Variants in DISP1 observed in about 807,000 individuals in gnomAD.
DISP1 encodes protein dispatched homolog 1.
Under a neutral mutation model 37.3 loss-of-function variants are expected in DISP1, and 30 were observed. That is an observed-to-expected ratio of 0.80 (90% CI 0.60 to 1.09). DISP1 has a LOEUF of 1.09. Ranked by LOEUF, DISP1 falls within the 50% of genes least tolerant of loss-of-function variation. The pLI, the probability that DISP1 is intolerant of heterozygous loss-of-function variation, is 0.00. For missense variants in DISP1, 1,598 were observed against 1,879.5 expected (o/e 0.85, Z 2.77); for synonymous variants, 634 against 690.2 (o/e 0.92, Z 1.28).
chr1:222,951,670 CAG>C (rs1322280880), intron 3 of DISP1, among the ~76,000 whole-genome samples: 1 of 152,186 alleles, frequency 6.6e-6, no homozygotes. Flanking sequence ...TGGAGAAATT[CAG>C]AGTTAGTTAT....
At chr1:222,877,670 C>A (rs1285319074) in intron 1 of DISP1, among the ~76,000 whole-genome samples, 2 of 152,206 alleles carry the variant, frequency 1.3e-5, no homozygotes, top group Admixed American at 6.5e-5. Context: ...TCTAGCAGGG[C>A]AGACAGATGA....
intron 1 of DISP1, among the ~76,000 whole-genome samples, chr1:222,847,281 T>C (rs915320911): frequency 2.0e-5 from 3 of 152,244 alleles, no homozygotes; most frequent in African/African-American, 7.2e-5. Flanking sequence ...TCTAGGCTCA[T>C]CTTATACTTT....
chr1:222,981,195 A>G (rs377200026), intron 3 of DISP1, among the ~76,000 whole-genome samples: 3 of 152,344 alleles, frequency 2.0e-5, no homozygotes, highest in South Asian at 4.1e-4. Context: ...TTTTTGCCCT[A>G]TGGGCTTTTC....
intron 1 of DISP1, among the ~76,000 whole-genome samples, chr1:222,856,997 C>G (rs1223073980): frequency 2.0e-5 from 3 of 152,118 alleles, no homozygotes; most frequent in African/African-American, 7.2e-5. Flanking sequence ...AGCCACTGTG[C>G]CCATCCTCTT....
At position 222,990,661 on chromosome 1, in the gene DISP1, C is replaced by T; in HGVS notation, c.576C>T (p.Val192=). 6.2e-7 allele frequency: 1 copy of T among 1,614,084 alleles called. No homozygotes were observed. The highest frequency in any genetic ancestry group is 8.5e-7 in the Non-Finnish European group (1 of 1,179,998). Residue 192 remains valine (V), a synonymous_variant, in exon 5 of 9, where the codon GTC becomes GTT. Transcript: ENST00000675850. ...TGATAGCCGACTGGCCGGTGGTGGTCTTGGGCATGTGCACCATGTTCATCG... is the reference window on the plus strand; with the variant it reads ...TGATAGCCGACTGGCCGGTGGTGGTTTTGGGCATGTGCACCATGTTCATCG... The part of the protein sequence containing the change: ...AALIADWPVV[V]LGMCTMFIVV...
At chr1:222,887,061 T>A (rs545847475) in intron 1 of DISP1, among the ~76,000 whole-genome samples, 1 of 152,320 alleles carries the variant, frequency 6.6e-6, no homozygotes, top group South Asian at 2.1e-4. Flanking sequence ...GAGACATTTT[T>A]TAAAACCAGC....
At chr1:222,868,689 G>A (rs1341452028) in intron 1 of DISP1, among the ~76,000 whole-genome samples, 3 of 152,080 alleles carry the variant, frequency 2.0e-5, no homozygotes, top group Non-Finnish European at 4.4e-5. Context: ...GAAAAATACA[G>A]ATGATCTGAC....
chr1:222,904,628 C>T lies in DISP1; in HGVS notation c.-158-23802C>T, dbSNP rs186676841. Among the ~76,000 whole-genome samples the T allele has an allele frequency of 3.0e-3, 443 of 150,060 alleles. 4 individuals carry two copies. The highest frequency in any genetic ancestry group is 0.01 in the African/African-American group (428 of 40,824). Reference sequence around the variant, plus strand: ...TGTCACCTGGGCTGGAGCATAGTAGCGCGGTCTCGGCTCACTGCATCCTCT... The same window carrying T: ...TGTCACCTGGGCTGGAGCATAGTAGTGCGGTCTCGGCTCACTGCATCCTCT... On this transcript the variant is annotated intron_variant, in intron 1 of 8. Coordinates refer to ENST00000675850, the MANE Select transcript of DISP1 (RefSeq NM_001377229.1).
chr1:222,822,949 G>T (rs1398604963), intron 1 of DISP1, among the ~76,000 whole-genome samples: 1 of 152,114 alleles, frequency 6.6e-6, no homozygotes, highest in Non-Finnish European at 1.5e-5. Context: ...AAGGAAATCT[G>T]CTTCTCTCGT....
chr1:222,862,621 C>T (rs1282231966), intron 1 of DISP1, among the ~76,000 whole-genome samples: 2 of 151,118 alleles, frequency 1.3e-5, no homozygotes, highest in African/African-American at 4.9e-5. Context: ...CAGCCTTCAC[C>T]TTCCAGGCTC....
intron 8 of DISP1, among the ~76,000 whole-genome samples, chr1:222,995,223 G>C (rs556724196): frequency 2.2e-4 from 34 of 152,306 alleles, no homozygotes; most frequent in African/African-American, 7.7e-4. Context: ...ATCTCTGGCT[G>C]TTGATGGTGT....
chr1:222,887,295 C>T (rs1032990435), intron 1 of DISP1, among the ~76,000 whole-genome samples: 1 of 152,056 alleles, frequency 6.6e-6, no homozygotes, highest in Non-Finnish European at 1.5e-5. Context: ...TATTTTCCTG[C>T]CTGTATGTCA....
intron 1 of DISP1, among the ~76,000 whole-genome samples, chr1:222,816,637 G>A (rs533945182): frequency 2.6e-5 from 4 of 152,158 alleles, no homozygotes; most frequent in Non-Finnish European, 5.9e-5. Context: ...ATAAATTCTT[G>A]ATGGCCTTGA....
intron 3 of DISP1, among the ~76,000 whole-genome samples, chr1:222,964,284 C>T (rs1676293129): frequency 8.8e-6 from 1 of 113,026 alleles, no homozygotes; most frequent in Admixed American, 1.1e-4. Context: ...GGCGACAGAG[C>T]GAGACTCTAT....
chr1:222,891,178 A>G (rs1402694572), intron 1 of DISP1, among the ~76,000 whole-genome samples: 1 of 152,176 alleles, frequency 6.6e-6, no homozygotes. Context: ...AGCATGGCTC[A>G]TTTAAGAAAT....
intron 4 of DISP1, among the ~76,000 whole-genome samples, chr1:222,989,071 C>T (rs181581545): frequency 1.3e-5 from 2 of 152,160 alleles, no homozygotes; most frequent in Admixed American, 1.3e-4. Context: ...CAAATATCTC[C>T]ACAAAGCCAG....
intron 4 of DISP1, among the ~76,000 whole-genome samples, chr1:222,990,291 A>G (rs899722327): frequency 1.3e-5 from 2 of 152,198 alleles, no homozygotes; most frequent in Non-Finnish European, 2.9e-5. Flanking sequence ...TGTGTATTTT[A>G]TATCTCTTTA....
chr1:222,899,205 T>C (rs893041736), intron 1 of DISP1, among the ~76,000 whole-genome samples: 4 of 152,184 alleles, frequency 2.6e-5, no homozygotes, highest in African/African-American at 9.7e-5. Flanking sequence ...GTCATTGTGC[T>C]ACCTCCCCCA....
chr1:222,939,903 A>G (rs1170675340), intron 2 of DISP1, among the ~76,000 whole-genome samples: 1 of 151,858 alleles, frequency 6.6e-6, no homozygotes, highest in East Asian at 1.9e-4. Context: ...AGGCGGGCGG[A>G]TCACGAGGTC....
Sources: allele counts gnomAD v4.1 joint callset (sites outside exome capture counted in the v4.1 genomes callset), GRCh38; gene constraint gnomAD v4.1.1; transcripts MANE v1.5; gene names NCBI Gene and HGNC (gene_info 2026-07-23, HGNC 2026-07-21).